PRKACB: variants seen among roughly 807,000 people sequenced by gnomAD.
The protein encoded by PRKACB is protein kinase cAMP-activated catalytic subunit beta.
PRKACB carries 16 observed loss-of-function variants against 51.4 expected under a neutral mutation model. The ratio of observed to expected loss-of-function variants is 0.31; its 90% CI spans 0.21 to 0.47. The LOEUF (loss-of-function observed/expected upper bound fraction) is 0.47. Ranked by LOEUF, PRKACB falls within the 20% of genes least tolerant of loss-of-function variation. The pLI is 1.00. For missense variants in PRKACB, 309 were observed against 464.5 expected, an observed-to-expected ratio of 0.67 and a Z score of 3.08; for synonymous variants, 147 against 154.4, an observed-to-expected ratio of 0.95 and a Z score of 0.35.
intron 7 of PRKACB, among the ~76,000 whole-genome samples, chr1:84,199,116 C>CGTATATATGCATATATGT (rs761066405): frequency 1.3e-4 from 13 of 101,510 alleles, no homozygotes; most frequent in African/African-American, 4.1e-4. Context: ...TATATATATG[C>CGTATATATGCATATATGT]ATATATATAT....
At position 84,236,067 on chromosome 1, in the gene PRKACB, C is replaced by T. The variant is rs969010382; in HGVS notation, c.*762C>T. On this transcript the variant is annotated 3_prime_UTR_variant, in exon 10 of 10. Coordinates refer to ENST00000370685, the MANE Select transcript of PRKACB (RefSeq NM_182948.4). ...GAAAAACTAATGATATGGATCATCA[C>T]CCAGATTCTCTCACTTGGTACCAGC... is the stretch of plus-strand genomic sequence containing the variant. The T allele has an allele frequency of 2.0e-5, 3 of 152,556 alleles. No homozygotes were observed. Among genetic ancestry groups the T allele is most frequent in the African/African-American group, 7.2e-5 (3 of 41,410 alleles). 9.5% of individuals were successfully genotyped at this position (152,556 alleles called of 1,614,324 possible).
rs894911869 is a variant in PRKACB, at chr1:84,121,357, A to G, written c.46+42986A>G. Among the ~76,000 whole-genome samples the G allele has an allele frequency of 3.3e-5, 5 of 151,812 alleles. 1 individual carries two copies. Among genetic ancestry groups the G allele is most frequent in the South Asian group, 4.1e-4 (2 of 4,820 alleles). On this transcript the variant is annotated intron_variant, in intron 1 of 8. Transcript: ENST00000370688. Reference sequence around the variant, plus strand: ...TAAATTTGAAGATGAAAAAGGAGGTACTCCTCATATACATTCATGTATTAT... The same window carrying G: ...TAAATTTGAAGATGAAAAAGGAGGTGCTCCTCATATACATTCATGTATTAT...
Position 84,164,517 on chromosome 1 carries a change from A to G in PRKACB, c.188-14660A>G, listed in dbSNP as rs994389032. On this transcript the variant is annotated intron_variant, in intron 1 of 9. Transcript: ENST00000370685. ...AAATTTAAGAAATCTGGTAATTTAT[A>G]ATCATGTGGCTCTAAAATAAAAAGG... 3.4e-6 allele frequency: 5 copies of G among 1,489,548 alleles called. No homozygotes were observed. In the Admixed American group the frequency reaches 6.0e-5, roughly 18 times the overall value. 92.3% of individuals were successfully genotyped at this position (1,489,548 alleles called of 1,614,324 possible).
intron 1 of PRKACB, among the ~76,000 whole-genome samples, chr1:84,103,440 G>A (rs942866076): frequency 6.6e-6 from 1 of 151,878 alleles, no homozygotes; most frequent in Non-Finnish European, 1.5e-5. Flanking sequence ...GGGGTGGGGG[G>A]TAGAGAAAGA....
chr1:84,147,791 T>C (rs1438790599), intron 1 of PRKACB, among the ~76,000 whole-genome samples: 5 of 152,076 alleles, frequency 3.3e-5, no homozygotes, highest in Admixed American at 3.3e-4. Flanking sequence ...TTTGAAAATA[T>C]GAACATTTAG....
intron 4 of PRKACB, 68 bp from the exon 5 acceptor site, chr1:84,185,032 C>A: frequency 2.2e-6 from 2 of 897,482 alleles, no homozygotes; most frequent in Non-Finnish European, 3.3e-6. Context: ...TCTAATTCAG[C>A]ATTATATAAT....
At chr1:84,226,421 A>G (rs72713007) in intron 9 of PRKACB, among the ~76,000 whole-genome samples, 3,618 of 152,186 alleles carry the variant, frequency 0.024, 67 homozygotes, top group Non-Finnish European at 0.037. Flanking sequence ...CATTCAGTAA[A>G]GTTTTAGAGA....
intron 9 of PRKACB, among the ~76,000 whole-genome samples, chr1:84,225,435 C>T (rs1290853878): frequency 2.6e-5 from 4 of 152,082 alleles, no homozygotes; most frequent in Non-Finnish European, 4.4e-5. Flanking sequence ...GAGTATAAGA[C>T]ACTGTGTGGG....
intron 1 of PRKACB, among the ~76,000 whole-genome samples, chr1:84,094,808 A>G (rs983944575): frequency 3.3e-5 from 5 of 151,878 alleles, no homozygotes; most frequent in African/African-American, 1.2e-4. Context: ...GACTTATTTT[A>G]CTTCTGGTGT....
chr1:84,121,477 A>G (rs1461347812), intron 1 of PRKACB, among the ~76,000 whole-genome samples: 10 of 152,054 alleles, frequency 6.6e-5, no homozygotes, highest in African/African-American at 2.2e-4. Flanking sequence ...CTTCTTGCCA[A>G]TCGTAGCTAA....
Position 84,212,261 on chromosome 1 carries a change from C to G in PRKACB, c.907-1892C>G, listed in dbSNP as rs545116007. 2.0e-5 allele frequency among the ~76,000 whole-genome samples: 3 copies of G among 152,080 alleles called. No homozygotes were observed. The South Asian group carries it at 6.2e-4, about 32-fold the overall frequency. The stretch of plus-strand genomic sequence containing the variant: ...GGCCCAATGCCCCCATCATCTGAGG[C>G]AAGCCACAGGAATCTACATTTTTAT... On this transcript the variant is annotated intron_variant, in intron 8 of 9. Transcript: ENST00000370685.
chr1:84,155,683 G>A (rs1182844634), intron 1 of PRKACB, among the ~76,000 whole-genome samples: 1 of 152,148 alleles, frequency 6.6e-6, no homozygotes, highest in East Asian at 1.9e-4. Context: ...AGTTGAACAG[G>A]AAGAATGATA....
At chr1:84,144,575 T>A (rs759406640) in intron 1 of PRKACB, 27 bp downstream of exon 1, 5 of 1,530,518 alleles carry the variant, frequency 3.3e-6, no homozygotes, top group Non-Finnish European at 4.4e-6. Context: ...AAATGATACA[T>A]TATAACTAGC....
chr1:84,123,653 C>T (rs1009856977), intron 1 of PRKACB, among the ~76,000 whole-genome samples: 1 of 152,024 alleles, frequency 6.6e-6, no homozygotes, highest in Non-Finnish European at 1.5e-5. Context: ...TAAAATGTTG[C>T]AATTTGTGAC....
chr1:84,162,385 T>C (rs1449601108), intron 1 of PRKACB, among the ~76,000 whole-genome samples: 1 of 152,042 alleles, frequency 6.6e-6, no homozygotes, highest in East Asian at 1.9e-4. Context: ...TTCATCACCC[T>C]TTGTCTCTCT....
At chr1:84,144,194 A>G (rs913301915), upstream of PRKACB, 3 of 1,302,580 alleles carry the variant, frequency 2.3e-6, no homozygotes, top group Non-Finnish European at 3.0e-6. Context: ...AGAAAAGCTC[A>G]GTAATGTGCT....
chr1:84,218,256 T>A (rs1197233231), intron 9 of PRKACB, among the ~76,000 whole-genome samples: 3 of 152,186 alleles, frequency 2.0e-5, no homozygotes, highest in Non-Finnish European at 4.4e-5. Flanking sequence ...AACTTATTCC[T>A]TCTGTCTAAC....
In PRKACB at chr1:84,200,378, T is replaced by C. The variant is rs182601095; in HGVS notation, c.784-2305T>C. 1.2e-3 allele frequency among the ~76,000 whole-genome samples: 179 copies of C among 152,312 alleles called. 2 individuals carry two copies. The highest frequency in any genetic ancestry group is 3.8e-4 in the Non-Finnish European group (26 of 68,028). On this transcript the variant is annotated intron_variant, in intron 7 of 9. Transcript: ENST00000370685. ...GTTTAAGTTCCTCATAGATGCTGGA[T>C]ATTAGACCTTTGGCAGATGCATATG...
chr1:84,202,671 G>T lies in PRKACB; in HGVS notation c.784-12G>T. 6.3e-7 allele frequency: 1 copy of T among 1,586,872 alleles called. No individual in the cohort carries two copies. The highest frequency in any genetic ancestry group is 8.6e-7 in the Non-Finnish European group (1 of 1,166,824). On this transcript the variant is annotated splice_polypyrimidine_tract_variant and intron_variant, in intron 7 of 9. Coordinates refer to ENST00000370685, the MANE Select transcript of PRKACB (RefSeq NM_182948.4). ...TTAAGTAACAATTGACATTGGTGTTGGTTTATCTCAGGGCTACAATAAGGC... is the reference window on the plus strand; with the variant it reads ...TTAAGTAACAATTGACATTGGTGTTTGTTTATCTCAGGGCTACAATAAGGC...
Sources: allele counts gnomAD v4.1 joint callset (sites outside exome capture counted in the v4.1 genomes callset), GRCh38; gene constraint gnomAD v4.1.1; transcripts MANE v1.5; gene names NCBI Gene and HGNC (gene_info 2026-07-23, HGNC 2026-07-21).